Variants in NEK1 observed in about 807,000 individuals in gnomAD.
The protein encoded by NEK1 is NIMA related kinase 1.
NEK1 carries 137 observed loss-of-function variants against 182.1 expected under a neutral mutation model. The observed-to-expected ratio is 0.75, with a 90% CI of 0.65 to 0.87. The LOEUF (loss-of-function observed/expected upper bound fraction) is 0.87, where lower values mean the gene tolerates loss of function less well. Among genes scored for constraint, NEK1 ranks in the 40% least tolerant of loss-of-function variants. The pLI is 0.00. For missense variants in NEK1, 1,391 were observed against 1,494.4 expected (o/e 0.93, Z 1.14); for synonymous variants, 513 against 492.2 (o/e 1.04, Z -0.56).
Position 169,433,611 on chromosome 4 carries a change from T to C in NEK1, c.2819A>G (p.Asp940Gly), listed in dbSNP as rs1315428579. 3 of 1,613,458 alleles carry C rather than the reference T, an allele frequency of 1.9e-6. No homozygotes were observed. The highest frequency in any genetic ancestry group is 1.1e-5 in the South Asian group (1 of 91,056). The change falls in exon 29 of 36, where the codon GAT (aspartate) becomes GGT (glycine). Residue 940 changes from aspartate to glycine, a missense_variant. By Grantham distance (94) the Asp-to-Gly change is moderately conservative. Coordinates refer to ENST00000507142, the MANE Select transcript of NEK1 (RefSeq NM_001199397.3). ...ILQEPSGTNK[D>G]ESLPCTITDV... ...AGTAATAGTGCATGGCAAGCTCTCA[T>C]CTTTGTTTGTTCCACTTGGCTCTTG...
chr4:169,494,448 T>C (rs1011764538), intron 23 of NEK1, among the ~76,000 whole-genome samples: 7 of 152,314 alleles, frequency 4.6e-5, no homozygotes, highest in Admixed American at 1.3e-4. Flanking sequence ...GATGGCTGCA[T>C]AGTATTCCAT....
At chr4:169,602,781 C>A in intron 2 of NEK1, 103 bp from the exon 3 acceptor site, 1 of 544,752 alleles carries the variant, frequency 1.8e-6, no homozygotes, top group South Asian at 2.7e-5. Context: ...GATTTGCTAA[C>A]ATTTTAAAAA....
At chr4:169,455,033 T>C (rs556015824) in intron 27 of NEK1, among the ~76,000 whole-genome samples, 1 of 152,258 alleles carries the variant, frequency 6.6e-6, no homozygotes, top group African/African-American at 2.4e-5. Flanking sequence ...TGCAGGGACA[T>C]GGATGAAGCT....
At chr4:169,495,169 T>C (rs7439702) in intron 23 of NEK1, among the ~76,000 whole-genome samples, 42,660 of 151,314 alleles carry the variant, frequency 0.28, 8,570 homozygotes, top group African/African-American at 0.58. Flanking sequence ...CTTGCCCATG[T>C]CTATGTACTG....
intron 5 of NEK1, among the ~76,000 whole-genome samples, chr4:169,598,338 T>C (rs1291188110): frequency 6.6e-6 from 1 of 152,026 alleles, no homozygotes; most frequent in African/African-American, 2.4e-5. Flanking sequence ...AGCGGGCAAT[T>C]AAAATTAAGA....
At chr4:169,573,454 T>C (rs1050778096) in intron 12 of NEK1, among the ~76,000 whole-genome samples, 1 of 152,238 alleles carries the variant, frequency 6.6e-6, no homozygotes, top group Non-Finnish European at 1.5e-5. Flanking sequence ...AGTCATATGC[T>C]TTCTCCAGCC....
At chr4:169,480,862 G>A (rs116354096) in intron 23 of NEK1, among the ~76,000 whole-genome samples, 10,834 of 152,162 alleles carry the variant, frequency 0.071, 1,259 homozygotes, top group African/African-American at 0.25. Flanking sequence ...ACAAGCGTAA[G>A]CCACTGTGCC....
intron 27 of NEK1, among the ~76,000 whole-genome samples, chr4:169,450,913 T>C (rs929448420): frequency 6.6e-6 from 1 of 152,142 alleles, no homozygotes; most frequent in African/African-American, 2.4e-5. Flanking sequence ...AAGATGCACA[T>C]AGGCTCAAAA....
chr4:169,435,564 G>A (rs533334305), intron 28 of NEK1, among the ~76,000 whole-genome samples: 4 of 152,156 alleles, frequency 2.6e-5, no homozygotes, highest in Non-Finnish European at 5.9e-5. Context: ...CAGCTGGCAT[G>A]GTGATTCCCT....
chr4:169,548,513 C>T (rs1760900637), intron 18 of NEK1, among the ~76,000 whole-genome samples: 1 of 152,250 alleles, frequency 6.6e-6, no homozygotes, highest in South Asian at 2.1e-4. Flanking sequence ...AGATCTGCTG[C>T]TCTCTTCAGA....
rs150847990 is a variant in NEK1 at position 169,438,202 on chromosome 4, T to C, written c.2645A>G (p.Gln882Arg). The change falls in exon 28 of 36, where the codon CAA (glutamine) becomes CGA (arginine). Residue 882 changes from glutamine to arginine, a missense_variant. Gln to Arg is a conservative substitution (Grantham distance 43, BLOSUM62 1). Coordinates refer to ENST00000507142, the MANE Select transcript of NEK1 (RefSeq NM_001199397.3). Reference sequence around the variant, plus strand: ...TGGGTTTATTTCATGTGAAATACATTGTACTTTTTTTTCTCCAGTAATTAA... The same window carrying C: ...TGGGTTTATTTCATGTGAAATACATCGTACTTTTTTTTCTCCAGTAATTAA... ...KPLITGEKKV[Q>R]CISHEINPSA... 6 of 1,583,184 alleles carry C rather than the reference T, an allele frequency of 3.8e-6. No homozygotes were observed. The East Asian group carries it at 1.4e-4, about 36-fold the overall frequency.
At chr4:169,401,324 T>G (rs1023066836) in intron 33 of NEK1, among the ~76,000 whole-genome samples, 7 of 152,202 alleles carry the variant, frequency 4.6e-5, no homozygotes, top group Non-Finnish European at 1.0e-4. Context: ...GGTTAATATA[T>G]GCAGAAGCTC....
chr4:169,533,207 T>G (rs1290348978), intron 19 of NEK1, among the ~76,000 whole-genome samples: 1 of 152,234 alleles, frequency 6.6e-6, no homozygotes, highest in African/African-American at 2.4e-5. Context: ...CTGGTGGGAC[T>G]GACCTAATCA....
intron 23 of NEK1, among the ~76,000 whole-genome samples, chr4:169,501,601 C>T (rs1312028008): frequency 6.6e-6 from 1 of 152,138 alleles, no homozygotes; most frequent in African/African-American, 2.4e-5. Context: ...AAGAGGAACT[C>T]TCAAAGCCAC....
At chr4:169,551,865 G>T (rs1761474048) in intron 18 of NEK1, among the ~76,000 whole-genome samples, 1 of 152,002 alleles carries the variant, frequency 6.6e-6, no homozygotes, top group Non-Finnish European at 1.5e-5. Context: ...GAGAGAAAAA[G>T]GAGGTATGAA....
intron 8 of NEK1, among the ~76,000 whole-genome samples, chr4:169,588,250 TAAG>T (rs1425946239): frequency 9.2e-5 from 14 of 152,220 alleles, no homozygotes; most frequent in African/African-American, 3.4e-4. Context: ...GGTTTCCTTA[TAAG>T]AAGAGGAGGA....
intron 26 of NEK1, among the ~76,000 whole-genome samples, chr4:169,473,547 A>G (rs1217700226): frequency 6.6e-6 from 1 of 152,152 alleles, no homozygotes; most frequent in Non-Finnish European, 1.5e-5. Context: ...ATAGATTTAA[A>G]TAAATAAATA....
chr4:169,598,015 C>T (rs1409903934), intron 5 of NEK1, among the ~76,000 whole-genome samples: 1 of 152,014 alleles, frequency 6.6e-6, no homozygotes, highest in Non-Finnish European at 1.5e-5. Flanking sequence ...TATATATGTA[C>T]ATGTGTTAAG....
In NEK1 at chr4:169,495,550, T is replaced by G. The variant is rs1449576865; in HGVS notation, c.2007+11487A>C. Among the ~76,000 whole-genome samples, 3 of 152,216 alleles carry G rather than the reference T, an allele frequency of 2.0e-5. No homozygotes were observed. The East Asian group carries it at 5.8e-4, about 29-fold the overall frequency. ...AGCCACCGTGCCCGGCCCATTTAAG[T>G]CTTTAATCCATCTTGAATTAATTTT... On this transcript the variant is annotated intron_variant, in intron 23 of 35. Transcript: ENST00000507142.
Sources: gnomAD v4.1 joint callset for allele counts (sites outside exome capture counted in the v4.1 genomes callset) on GRCh38, gnomAD v4.1.1 for gene constraint, MANE v1.5 for transcripts, NCBI Gene and HGNC (gene_info 2026-07-23, HGNC 2026-07-21) for gene names.